The following ITGB1BP2 variants were observed in gnomAD, a reference collection of about 807,000 sequenced individuals.
The protein encoded by ITGB1BP2 is integrin beta-1-binding protein 2.
A neutral mutation model predicts 32.2 loss-of-function variants in ITGB1BP2; 27 were observed. That is an observed-to-expected ratio of 0.84 (90% CI 0.62 to 1.16). The LOEUF (loss-of-function observed/expected upper bound fraction) is 1.16. Among genes scored for constraint, ITGB1BP2 ranks in the 50% most tolerant of loss-of-function variants. The pLI is 0.00. For synonymous variants in ITGB1BP2, 105 were observed against 94.7 expected, an observed-to-expected ratio of 1.11 and a Z score of -0.63; for missense variants, 250 against 267.3, an observed-to-expected ratio of 0.94 and a Z score of 0.45.
Position 71,302,333 on chromosome X carries a change from G to A in ITGB1BP2, c.171G>A (p.Lys57=). 7 of 1,210,997 alleles carry A rather than the reference G, an allele frequency of 5.8e-6. No individual in the cohort carries two copies. The highest frequency in any genetic ancestry group is 2.3e-4 in the Middle Eastern group (1 of 4,353). Residue 57 remains lysine (K), a splice_region_variant and synonymous_variant, in exon 3 of 11, where the codon AAG becomes AAA. Transcript: ENST00000373829. Reference sequence around the variant, plus strand: ...ATTTCTCTGAGTTCTTAAACATCAAGGTAAATTATTTATGTACTTGGATTC... The same window carrying A: ...ATTTCTCTGAGTTCTTAAACATCAAAGTAAATTATTTATGTACTTGGATTC... ...TVDFSEFLNI[K]GCTMGPHCAE... is the part of the protein sequence containing the mutation.
Position 71,303,827 on chromosome X carries a change from C to A in ITGB1BP2, c.555C>A (p.Ser185Arg). 2 of 1,208,454 alleles carry A rather than the reference C, an allele frequency of 1.7e-6. No individual in the cohort carries two copies. The highest frequency in any genetic ancestry group is 2.2e-6 in the Non-Finnish European group (2 of 893,449). ...PRFHEGMKSW[S>R]CCGIQTLDFG... ...CCTACTTCAGGATGAAGTCTTGGAGCTGTTGTGGCATCCAGACCCTGGATT... is the reference window on the plus strand; with the variant it reads ...CCTACTTCAGGATGAAGTCTTGGAGATGTTGTGGCATCCAGACCCTGGATT... Residue 185 changes from serine (S) to arginine (R), a missense_variant, in exon 8 of 11, where the codon AGC becomes AGA. Physicochemically the swap from Ser to Arg is moderately radical, Grantham distance 110. Transcript: ENST00000373829.
intron 7 of ITGB1BP2, 47 bp from the exon 8 acceptor site, chrX:71,303,765 T>C: frequency 8.5e-7 from 1 of 1,177,531 alleles, no homozygotes; most frequent in Non-Finnish European, 1.2e-6. Flanking sequence ...GGTCATAAGA[T>C]AATATTGGGG....
chrX:71,304,575 G>C lies in ITGB1BP2; in HGVS notation c.787G>C (p.Val263Leu). Reference protein sequence around the residue: ...HVHIVFDGNRVFQAQMKLWGV... With the variant: ...HVHIVFDGNRLFQAQMKLWGV... ...CCACATTGTCTTTGATGGTAACCGT[G>C]TGTTCCAAGCACAGATGAAGCTCTG... is the stretch of plus-strand genomic sequence containing the variant. Residue 263 changes from valine (V) to leucine (L), a missense_variant, in exon 10 of 11, where the codon GTG (valine) becomes CTG (leucine). Transcript: ENST00000373829. The C allele has an allele frequency of 8.3e-7, 1 of 1,208,334 alleles. No homozygotes were observed. The highest frequency in any genetic ancestry group is 1.1e-6 in the Non-Finnish European group (1 of 893,780).
chrX:71,305,114 T>A lies in ITGB1BP2; in HGVS notation c.966T>A (p.Asp322Glu). ...KARAGVVLEMDEEESDDSDDD... is the reference protein window; with the variant it reads ...KARAGVVLEMEEEESDDSDDD... ...GGGCAGGGGTTGTGTTAGAGATGGA[T>A]GAGGAAGAATCTGACGATTCAGATG... Residue 322 changes from aspartate (D) to glutamate (E), a missense_variant, in exon 11 of 11, where the codon GAT becomes GAA. Coordinates refer to ENST00000373829, the MANE Select transcript of ITGB1BP2 (RefSeq NM_012278.4). 8.3e-7 allele frequency: 1 copy of A among 1,210,286 alleles called. No individual in the cohort carries two copies. Among genetic ancestry groups the A allele is most frequent in the South Asian group, 1.8e-5 (1 of 56,713 alleles).
At chrX:71,304,443 G>T in intron 9 of ITGB1BP2, 99 bp from the exon 10 acceptor site, 2 of 958,467 alleles carry the variant, frequency 2.1e-6, no homozygotes, top group South Asian at 2.0e-5. Context: ...AGGGCTGTCT[G>T]GCCAACCTGT....
At chrX:71,304,892 C>A in intron 10 of ITGB1BP2, 73 bp from the exon 11 acceptor site, 1 of 843,328 alleles carries the variant, frequency 1.2e-6, no homozygotes, top group Non-Finnish European at 1.7e-6. Flanking sequence ...CATTTGTCAC[C>A]ACTCCACCCT....
rs776524796 is a variant in ITGB1BP2, at chrX:71,303,618, CCTT to C, written c.469-5_469-3del. 1.8e-5 allele frequency: 22 copies of C among 1,206,860 alleles called. No homozygotes were observed. The East Asian group carries it at 6.5e-4, about 36-fold the overall frequency. ...TTAGAATGACCTGGTTCTACTTTAT[CCTT>C]CTTAGGTTTACCAAGGCCCTGAGAG... is the stretch of plus-strand genomic sequence containing the variant. On this transcript the variant is annotated splice_region_variant and splice_polypyrimidine_tract_variant and intron_variant, in intron 6 of 10. Coordinates refer to ENST00000373829, the MANE Select transcript of ITGB1BP2 (RefSeq NM_012278.4).
intron 4 of ITGB1BP2, 47 bp from the exon 5 acceptor site, chrX:71,303,215 A>C (rs957210332): frequency 9.5e-7 from 1 of 1,048,795 alleles, no homozygotes; most frequent in African/African-American, 1.9e-5. Flanking sequence ...TGGAGCTAGC[A>C]ATCATAGCTA....
chrX:71,304,711 G>A, intron 10 of ITGB1BP2, 107 bp downstream of exon 10: 2 of 647,352 alleles, frequency 3.1e-6, no homozygotes, highest in Non-Finnish European at 4.7e-6. Flanking sequence ...GGAAAATGGA[G>A]GTTTTCTCTT....
chrX:71,303,993 A>C, intron 8 of ITGB1BP2, 82 bp downstream of exon 8: 1 of 851,698 alleles, frequency 1.2e-6, no homozygotes, highest in South Asian at 2.4e-5. Context: ...CACATAGCCA[A>C]GCTCCCTGTC....
Position 71,303,700 on chromosome X carries a change from G to A in ITGB1BP2, c.539+3G>A. 1.7e-6 allele frequency: 2 copies of A among 1,208,348 alleles called. No homozygotes were observed. Among genetic ancestry groups the A allele is most frequent in the Non-Finnish European group, 2.2e-6 (2 of 892,540 alleles). ...GGAGCACCCCGATTCCATGAGGGGT[G>A]AGGGAGGGGACTGGGTGGGCTATGA... On this transcript the variant is annotated splice_donor_region_variant and intron_variant, in intron 7 of 10. Transcript: ENST00000373829.
At chrX:71,304,858 A>G (rs1344261677) in intron 10 of ITGB1BP2, 107 bp from the exon 11 acceptor site, 1 of 573,642 alleles carries the variant, frequency 1.7e-6, no homozygotes, top group Non-Finnish European at 2.7e-6. Context: ...CTTTTTTCTT[A>G]CCTTATTAAA....
Position 71,301,984 on chromosome X carries a change from T to C in ITGB1BP2, c.64+114T>C, listed in dbSNP as rs1397817464. On this transcript the variant is annotated intron_variant, in intron 1 of 10. Coordinates refer to ENST00000373829, the MANE Select transcript of ITGB1BP2 (RefSeq NM_012278.4). ...AAGAAACTACCTGCCCTAGTTTAAT[T>C]GGTCTGAGTGATCTTACAGCCTTTG... The C allele has an allele frequency of 1.5e-5, 13 of 875,569 alleles. No homozygotes were observed. In the East Asian group the frequency reaches 4.1e-4, roughly 28 times the overall value. The allele number at this position is 875,569 out of a possible 1,213,427, so 72.2% of individuals were successfully genotyped here. A position where few individuals can be genotyped will look rare whatever the true frequency, so the allele number is the denominator to read the frequency against.
At chrX:71,302,217 G>A (rs774371009) in intron 2 of ITGB1BP2, 31 bp downstream of exon 2, 1 of 1,208,184 alleles carries the variant, frequency 8.3e-7, no homozygotes, top group African/African-American at 1.8e-5. Context: ...GTTAGCAAGA[G>A]CATTTCCCAG....
In ITGB1BP2 at chrX:71,303,969, C is replaced by T. The variant is rs2031657061; in HGVS notation, c.639+58C>T. On this transcript the variant is annotated intron_variant, in intron 8 of 10. Coordinates refer to ENST00000373829, the MANE Select transcript of ITGB1BP2 (RefSeq NM_012278.4). ...AACCCAATCTCAGAGGTAAATTCTC[C>T]TCCCTCTCTGTACCACATAGCCAAG... 7.1e-6 allele frequency: 7 copies of T among 986,415 alleles called. No individual in the cohort carries two copies. In the Admixed American group the frequency reaches 1.0e-4, roughly 15 times the overall value. The allele number at this position is 986,415 out of a possible 1,213,427, so 81.3% of individuals were successfully genotyped here.
Position 71,303,147 on chromosome X carries a change from C to T in ITGB1BP2, c.318-115C>T, listed in dbSNP as rs771578152. On this transcript the variant is annotated intron_variant, in intron 4 of 10. Transcript: ENST00000373829. ...GCAATGGGGTTGCTACCCAACCTCT[C>T]CAACTCTGCCTCACTTTCACCAGGC... The T allele has an allele frequency of 3.0e-4, 199 of 665,252 alleles. No homozygotes were observed. In the African/African-American group the frequency reaches 3.6e-3, roughly 12 times the overall value. 54.8% of individuals were successfully genotyped at this position (665,252 alleles called of 1,213,427 possible). A position where few individuals can be genotyped will look rare whatever the true frequency, so the allele number is the denominator to read the frequency against.
rs377766313 is a variant in ITGB1BP2, at chrX:71,302,570, G to C, written c.317+14G>C. The stretch of plus-strand genomic sequence containing the variant: ...GGAGAGGCCCAAGTAAAGAGGAGGA[G>C]GCCCCTGGACTTTTCTTATTTTCAT... On this transcript the variant is annotated intron_variant, in intron 4 of 10. Transcript: ENST00000373829. The C allele has an allele frequency of 1.1e-5, 13 of 1,192,806 alleles. No homozygotes were observed. The highest frequency in any genetic ancestry group is 3.6e-5 in the African/African-American group (2 of 56,288).
chrX:71,304,607 A>G lies in ITGB1BP2; in HGVS notation c.816+3A>G. On this transcript the variant is annotated splice_donor_region_variant and intron_variant, in intron 10 of 10. Transcript: ENST00000373829. ...AAGCACAGATGAAGCTCTGGGGGGT[A>G]AGTGAAGACCAGGGGACACAAGAGT... 1 of 1,198,948 alleles carries G rather than the reference A, an allele frequency of 8.3e-7. No individual in the cohort carries two copies. The highest frequency in any genetic ancestry group is 1.1e-6 in the Non-Finnish European group (1 of 886,335).
intron 10 of ITGB1BP2, 172 bp downstream of exon 10, chrX:71,304,776 C>G (rs1174476921): frequency 2.1e-6 from 1 of 481,015 alleles, no homozygotes; most frequent in Non-Finnish European, 3.5e-6. Context: ...CTCTTTCCCT[C>G]CCCTCTTCCT....
Sources: gnomAD v4.1 joint callset for allele counts on GRCh38, gnomAD v4.1.1 for gene constraint, MANE v1.5 for transcripts, NCBI Gene and HGNC (gene_info 2026-07-23, HGNC 2026-07-21) for gene names.